The following SLC39A8 variants were observed in gnomAD, a reference collection of about 807,000 sequenced individuals.
SLC39A8 encodes the protein metal cation symporter ZIP8.
A neutral mutation model predicts 40.4 loss-of-function variants in SLC39A8; 15 were observed. The ratio of observed to expected loss-of-function variants is 0.37; its 90% CI spans 0.25 to 0.57. The LOEUF (loss-of-function observed/expected upper bound fraction) is 0.57, where lower values mean the gene tolerates loss of function less well. SLC39A8 is among the 20% of genes least tolerant of loss of function. The probability of loss-of-function intolerance (pLI) is 0.75; values close to 1 mark genes in which losing one functional copy is unlikely to be tolerated. For synonymous variants in SLC39A8, 223 were observed against 221.6 expected (o/e 1.01, Z -0.06); for missense variants, 472 against 558.8 (o/e 0.84, Z 1.57).
intron 2 of SLC39A8, among the ~76,000 whole-genome samples, chr4:102,332,895 C>T (rs531282961): frequency 5.9e-5 from 9 of 152,124 alleles, no homozygotes; most frequent in Non-Finnish European, 1.0e-4. Flanking sequence ...AAACCATCAT[C>T]CTCAGCAAAC....
At chr4:102,320,426 A>ATATATATGAGAG (rs1553916705) in intron 2 of SLC39A8, among the ~76,000 whole-genome samples, 21 of 70,598 alleles carry the variant, frequency 3.0e-4, no homozygotes, top group African/African-American at 1.2e-3. Context: ...ATATGAGAAT[A>ATATATATGAGAG]TATATATATG....
chr4:102,317,607 T>G (rs1734719675), intron 2 of SLC39A8, among the ~76,000 whole-genome samples: 1 of 152,136 alleles, frequency 6.6e-6, no homozygotes, highest in African/African-American at 2.4e-5. Context: ...ATTGCTAGAT[T>G]CAAAAAGTAG....
intron 2 of SLC39A8, among the ~76,000 whole-genome samples, chr4:102,329,645 T>G (rs777172678): frequency 1.1e-4 from 17 of 149,412 alleles, no homozygotes; most frequent in Non-Finnish European, 2.4e-4. Context: ...AAAAAAAGAT[T>G]CAAGTCTGTG....
chr4:102,326,447 G>A (rs933934247), intron 2 of SLC39A8, among the ~76,000 whole-genome samples: 34 of 152,290 alleles, frequency 2.2e-4, no homozygotes, highest in Non-Finnish European at 4.7e-4. Context: ...TGTAGTCCCA[G>A]CTACTCGGGA....
intron 6 of SLC39A8, among the ~76,000 whole-genome samples, chr4:102,278,830 T>C (rs1732742829): frequency 6.6e-6 from 1 of 152,182 alleles, no homozygotes; most frequent in African/African-American, 2.4e-5. Context: ...TGAGTTCATG[T>C]CCTTTGCAGG....
intron 6 of SLC39A8, among the ~76,000 whole-genome samples, chr4:102,271,804 T>A (rs78760108): frequency 1.3e-5 from 2 of 152,324 alleles, no homozygotes; most frequent in African/African-American, 4.8e-5. Flanking sequence ...AACCATTTTT[T>A]AGCAAAGGAA....
At chr4:102,282,753 G>C (rs911709761) in intron 6 of SLC39A8, among the ~76,000 whole-genome samples, 1 of 152,094 alleles carries the variant, frequency 6.6e-6, no homozygotes. Context: ...TTGAGACGGA[G>C]TCCCACTCTG....
At chr4:102,276,001 C>A (rs1732600838) in intron 6 of SLC39A8, among the ~76,000 whole-genome samples, 1 of 152,068 alleles carries the variant, frequency 6.6e-6, no homozygotes, top group African/African-American at 2.4e-5. Context: ...TAGAGGGAAA[C>A]TTATAGCATT....
At chr4:102,251,425 G>A (rs998248964) in exon 12 of SLC39A8, 2 of 152,148 alleles carry the variant, frequency 1.3e-5, no homozygotes, top group Non-Finnish European at 2.9e-5. Flanking sequence ...CAAAGCCTGG[G>A]AAATCAAAGA....
downstream of SLC39A8, chr4:102,259,345 T>C (rs375494900): frequency 5.0e-5 from 34 of 682,854 alleles, no homozygotes; most frequent in East Asian, 7.5e-4. Flanking sequence ...CCAGTTGGTC[T>C]ATACTGTTGT....
At chr4:102,281,481 AAGAG>A (rs1224165443) in intron 6 of SLC39A8, among the ~76,000 whole-genome samples, 1 of 152,216 alleles carries the variant, frequency 6.6e-6, no homozygotes, top group African/African-American at 2.4e-5. Context: ...CCTGCAAAAA[AAGAG>A]AGACTGCTTT....
intron 8 of SLC39A8, among the ~76,000 whole-genome samples, chr4:102,267,277 T>C (rs917593416): frequency 1.3e-4 from 20 of 152,184 alleles, no homozygotes; most frequent in Admixed American, 1.3e-3. Context: ...ACAATACGAT[T>C]ATGTTTTAAA....
At chr4:102,322,590 C>G (rs993096621) in intron 2 of SLC39A8, among the ~76,000 whole-genome samples, 1 of 152,086 alleles carries the variant, frequency 6.6e-6, no homozygotes, top group Non-Finnish European at 1.5e-5. Context: ...TCAAGTGGCA[C>G]CCATTAAATA....
intron 5 of SLC39A8, among the ~76,000 whole-genome samples, chr4:102,304,784 C>CAA (rs3216149): frequency 1.6e-3 from 247 of 150,936 alleles, no homozygotes; most frequent in African/African-American, 5.2e-3. Flanking sequence ...TGAAAAAAAA[C>CAA]AAAAATAACC....
chr4:102,327,886 T>C (rs1735286453), intron 2 of SLC39A8, among the ~76,000 whole-genome samples: 1 of 152,202 alleles, frequency 6.6e-6, no homozygotes, highest in Non-Finnish European at 1.5e-5. Flanking sequence ...GAGGCAAATA[T>C]TCCAGCCATA....
chr4:102,333,723 C>G (rs143692402), intron 2 of SLC39A8, among the ~76,000 whole-genome samples: 14 of 152,260 alleles, frequency 9.2e-5, no homozygotes, highest in Non-Finnish European at 1.3e-4. Context: ...AGAGAGAAAT[C>G]TGAAGTAAGC....
At position 102,272,637 on chromosome 4, in the gene SLC39A8, C is replaced by T. The variant is rs1578562189; in HGVS notation, c.841-4558G>A. On this transcript the variant is annotated intron_variant, in intron 6 of 8. Transcript: ENST00000356736. ...CTATCTTATTTTTATGCCTAATACA[C>T]CACTTAAAGAATTCTTACTGACAGG... Among the ~76,000 whole-genome samples, 6 of 152,142 alleles carry T rather than the reference C, an allele frequency of 3.9e-5. 1 individual carries two copies. Among genetic ancestry groups the T allele is most frequent in the Admixed American group, 3.9e-4 (6 of 15,284 alleles).
chr4:102,308,593 T>C (rs571135812), intron 3 of SLC39A8, among the ~76,000 whole-genome samples: 1 of 152,200 alleles, frequency 6.6e-6, no homozygotes, highest in Admixed American at 6.5e-5. Context: ...AGATACAACG[T>C]GGCCTCAGGG....
chr4:102,340,035 CAT>C (rs1172690359), intron 2 of SLC39A8, among the ~76,000 whole-genome samples: 2 of 152,150 alleles, frequency 1.3e-5, no homozygotes, highest in African/African-American at 4.8e-5. Flanking sequence ...CTTAATCAGG[CAT>C]ATCACTGTTT....
Sources: allele counts gnomAD v4.1 joint callset (sites outside exome capture counted in the v4.1 genomes callset), GRCh38; gene constraint gnomAD v4.1.1; transcripts MANE v1.5; gene names NCBI Gene and HGNC (gene_info 2026-07-23, HGNC 2026-07-21).